Variants in ITSN1 observed in about 807,000 individuals in gnomAD.
ITSN1 encodes intersectin-1.
ITSN1 carries 58 observed loss-of-function variants against 239.8 expected under a neutral mutation model. That is an observed-to-expected ratio of 0.24 (90% CI 0.20 to 0.30). The LOEUF (loss-of-function observed/expected upper bound fraction) is 0.30. Ranked by LOEUF, ITSN1 falls within the 10% of genes least tolerant of loss-of-function variation. The pLI is 1.00. For synonymous variants in ITSN1, 780 were observed against 770.8 expected (o/e 1.01, Z -0.20); for missense variants, 1,558 against 2,103.3 (o/e 0.74, Z 5.07).
intron 1 of ITSN1, among the ~76,000 whole-genome samples, chr21:33,681,616 TTTTTATTTTATTTTA>T (rs147580027): frequency 0.043 from 6,275 of 147,250 alleles, 448 homozygotes; most frequent in African/African-American, 0.15. Flanking sequence ...TTGGAACCAG[TTTTTATTTTATTTTA>T]TTTTATTTTA....
Position 33,750,150 on chromosome 21 carries a change from A to G in ITSN1, c.354A>G (p.Gly118=). 1 of 1,613,794 alleles carries G rather than the reference A, an allele frequency of 6.2e-7. No homozygotes were observed. Among genetic ancestry groups the G allele is most frequent in the South Asian group, 1.1e-5 (1 of 91,040 alleles). ...AISSAPAFGM[G]GIASMPPLTA... ...GCTGTTTTTTCTTCATAGGTATGGG[A>G]GGTATCGCCAGCATGCCACCGCTTA... Residue 118 remains glycine (G), a synonymous_variant, in exon 6 of 40, where the codon GGA becomes GGG. Coordinates refer to ENST00000381318, the MANE Select transcript of ITSN1 (RefSeq NM_003024.3).
intron 1 of ITSN1, among the ~76,000 whole-genome samples, chr21:33,685,489 C>G (rs1215873315): frequency 6.6e-6 from 1 of 151,976 alleles, no homozygotes; most frequent in Non-Finnish European, 1.5e-5. Flanking sequence ...GGAAGTACCC[C>G]TTCAACGCTG....
chr21:33,716,935 CA>C (rs796595572), intron 1 of ITSN1, among the ~76,000 whole-genome samples: 1,334 of 97,670 alleles, frequency 0.014, 20 homozygotes, highest in African/African-American at 0.041. Flanking sequence ...GACTCCGTCT[CA>C]AAAAAAAAAA....
intron 14 of ITSN1, among the ~76,000 whole-genome samples, chr21:33,781,106 G>A (rs976677315): frequency 6.6e-6 from 1 of 152,188 alleles, no homozygotes; most frequent in Admixed American, 6.5e-5. Context: ...TTTACAAACA[G>A]TAGGATCACT....
chr21:33,814,174 A>T (rs1413692243), intron 22 of ITSN1, 102 bp downstream of exon 22: 14 of 1,057,206 alleles, frequency 1.3e-5, no homozygotes, highest in Admixed American at 2.6e-5. Context: ...AAGCCTTGTT[A>T]TGTGTGTCTT....
At chr21:33,883,400 C>T (rs1314549544) in intron 35 of ITSN1, 150 bp from the exon 36 acceptor site, 2 of 1,039,568 alleles carry the variant, frequency 1.9e-6, no homozygotes, top group African/African-American at 3.2e-5. Flanking sequence ...GTCTAGGTTA[C>T]TGAAACACAC....
intron 1 of ITSN1, among the ~76,000 whole-genome samples, chr21:33,651,733 A>G (rs891677375): frequency 3.9e-5 from 6 of 152,332 alleles, no homozygotes; most frequent in Middle Eastern, 3.4e-3. Context: ...TGCATTGTCT[A>G]TAGAAGCTGT....
intron 20 of ITSN1, among the ~76,000 whole-genome samples, chr21:33,808,599 A>G (rs1246456711): frequency 6.6e-6 from 1 of 151,854 alleles, no homozygotes; most frequent in African/African-American, 2.4e-5. Flanking sequence ...AAAAAAAAAA[A>G]GCTAACACTT....
At chr21:33,700,573 T>C (rs935733150) in intron 1 of ITSN1, among the ~76,000 whole-genome samples, 11 of 152,332 alleles carry the variant, frequency 7.2e-5, no homozygotes, top group African/African-American at 2.6e-4. Context: ...AATCCGTTTA[T>C]AAATGTTCCA....
intron 28 of ITSN1, among the ~76,000 whole-genome samples, chr21:33,834,976 C>G (rs1311859218): frequency 6.6e-6 from 1 of 152,118 alleles, no homozygotes; most frequent in Non-Finnish European, 1.5e-5. Flanking sequence ...GCAGTTGGCC[C>G]AGTTGGCTAT....
chr21:33,806,198 G>A (rs2072435048), intron 20 of ITSN1, among the ~76,000 whole-genome samples: 1 of 151,962 alleles, frequency 6.6e-6, no homozygotes, highest in Non-Finnish European at 1.5e-5. Context: ...GCAACAGAGT[G>A]AGAATCCTTC....
At chr21:33,711,952 C>A (rs929586823) in intron 1 of ITSN1, among the ~76,000 whole-genome samples, 2 of 152,176 alleles carry the variant, frequency 1.3e-5, no homozygotes, top group African/African-American at 4.8e-5. Flanking sequence ...TATATTTACT[C>A]AGATGTTTGC....
intron 21 of ITSN1, among the ~76,000 whole-genome samples, chr21:33,812,889 T>C (rs1260801930): frequency 6.6e-6 from 1 of 152,174 alleles, no homozygotes; most frequent in African/African-American, 2.4e-5. Context: ...TTGTAATTGC[T>C]GTGGCATCTA....
chr21:33,657,327 C>T (rs1042760633), intron 1 of ITSN1, among the ~76,000 whole-genome samples: 1 of 152,148 alleles, frequency 6.6e-6, no homozygotes, highest in African/African-American at 2.4e-5. Context: ...TTGTCAGTTT[C>T]CTCTTAGTTT....
rs61257024 is a variant in ITSN1, at chr21:33,658,024, G to A, written c.-33+15311G>A. ...ATAACCTTTTTGACTCCCCCAAAAC[G>A]TAACTACTAATGACCTATTGTTGAC... On this transcript the variant is annotated intron_variant, in intron 1 of 39. Transcript: ENST00000381318. Among the ~76,000 whole-genome samples, 300 of 152,194 alleles carry A rather than the reference G, an allele frequency of 2.0e-3. 3 individuals are homozygous for A. The highest frequency in any genetic ancestry group is 6.9e-3 in the African/African-American group (287 of 41,522).
intron 14 of ITSN1, among the ~76,000 whole-genome samples, chr21:33,778,696 AG>A (rs2147860169): frequency 7.3e-6 from 1 of 136,692 alleles, no homozygotes; most frequent in East Asian, 2.1e-4. Context: ...CTCCTGCCTC[AG>A]CCTCCCAAGT....
chr21:33,736,142 A>G (rs1366287797), intron 5 of ITSN1, among the ~76,000 whole-genome samples: 1 of 152,256 alleles, frequency 6.6e-6, no homozygotes, highest in Non-Finnish European at 1.5e-5. Context: ...CAGTAATAAA[A>G]TCTAACATCT....
In ITSN1 at chr21:33,890,527, C is replaced by T. The variant is rs559788198; in HGVS notation, c.*2227C>T. ...CTCTGTTGAGCATCCTTGAGATGCT[C>T]CTGCCATGTAGCAAGTTCTGGATTA... On this transcript the variant is annotated 3_prime_UTR_variant, in exon 40 of 40. Transcript: ENST00000381318. The T allele has an allele frequency of 6.6e-6, 1 of 152,170 alleles. No homozygotes were observed. Among genetic ancestry groups the T allele is most frequent in the South Asian group, 2.1e-4 (1 of 4,826 alleles). 9.4% of individuals were successfully genotyped at this position (152,170 alleles called of 1,614,324 possible).
intron 1 of ITSN1, among the ~76,000 whole-genome samples, chr21:33,710,715 G>C (rs1304684109): frequency 6.7e-6 from 1 of 150,122 alleles, no homozygotes; most frequent in Non-Finnish European, 1.5e-5. Context: ...TTTTTTGTTT[G>C]TAAAACTTTT....
Sources: gnomAD v4.1 joint callset for allele counts (sites outside exome capture counted in the v4.1 genomes callset) on GRCh38, gnomAD v4.1.1 for gene constraint, MANE v1.5 for transcripts, NCBI Gene and HGNC (gene_info 2026-07-23, HGNC 2026-07-21) for gene names.